CASTOR2: variants seen among roughly 807,000 people sequenced by gnomAD.
CASTOR2 encodes the protein GATS protein like 2.
A neutral mutation model predicts 31.2 loss-of-function variants in CASTOR2; 8 were observed. The ratio of observed to expected loss-of-function variants is 0.26; its 90% confidence interval spans 0.15 to 0.46. The LOEUF (loss-of-function observed/expected upper bound fraction) is 0.46, where lower values mean the gene tolerates loss of function less well. Among genes scored for constraint, CASTOR2 ranks in the 20% least tolerant of loss-of-function variants. The pLI is 0.99. For synonymous variants in CASTOR2, 162 were observed against 158.7 expected, an observed-to-expected ratio of 1.02 and a Z score of -0.16; for missense variants, 216 against 382.1, an observed-to-expected ratio of 0.57 and a Z score of 3.62.
Position 75,009,262 on chromosome 7 carries a change from CTTTTT to C in CASTOR2, c.184+1219_184+1223del, listed in dbSNP as rs1161937896. On this transcript the variant is annotated intron_variant, in intron 2 of 8. Coordinates refer to ENST00000616305, the MANE Select transcript of CASTOR2 (RefSeq NM_001145064.3). ...TGAGCCACCTTGCCTGGCCTGAGAA[CTTTTT>C]TTTTTTTTTTTTTTTTTTTTGAGAC... Among the ~76,000 whole-genome samples the C allele has an allele frequency of 5.2e-3, 316 of 60,302 alleles. 1 individual carries two copies. Among genetic ancestry groups the C allele is most frequent in the Admixed American group, 8.3e-3 (28 of 3,362 alleles). 39.6% of individuals were successfully genotyped at this position (60,302 alleles called of 152,430 possible).
chr7:75,024,465 C>A lies in CASTOR2; in HGVS notation c.855C>A (p.Ile285=). 1.3e-6 allele frequency: 2 copies of A among 1,551,552 alleles called. No homozygotes were observed. Among genetic ancestry groups the A allele is most frequent in the Non-Finnish European group, 1.7e-6 (2 of 1,146,844 alleles). The change falls in exon 8 of 9, where the codon ATC becomes ATA. Residue 285 remains isoleucine (I), a synonymous_variant. Transcript: ENST00000616305. ...GFDECGIVAQ[I]SEPLAAADIP... is the part of the protein sequence containing the mutation. ...ATGAGTGTGGCATCGTGGCCCAGAT[C>A]TCAGAGCCCTTGGCTGCTGCAGACA... is the stretch of plus-strand genomic sequence containing the variant.
At chr7:74,994,764 GAATC>G (rs1338726542) in intron 1 of CASTOR2, among the ~76,000 whole-genome samples, 1 of 150,708 alleles carries the variant, frequency 6.6e-6, no homozygotes, top group Non-Finnish European at 1.5e-5. Flanking sequence ...AAAAAAAAAA[GAATC>G]AACCAAGGTG....
chr7:74,988,051 T>C (rs1402385476), intron 1 of CASTOR2, among the ~76,000 whole-genome samples: 1 of 151,674 alleles, frequency 6.6e-6, no homozygotes, highest in African/African-American at 2.4e-5. Flanking sequence ...GATATTAAAC[T>C]GTTCTCACTC....
chr7:75,018,802 G>A (rs1443066028), intron 4 of CASTOR2, among the ~76,000 whole-genome samples, 170 bp from the exon 5 acceptor site: 3 of 152,252 alleles, frequency 2.0e-5, no homozygotes, highest in Non-Finnish European at 4.4e-5. Flanking sequence ...AGGGTGAGAT[G>A]GAGAATCAGG....
intron 1 of CASTOR2, among the ~76,000 whole-genome samples, chr7:74,985,011 C>G (rs1432960631): frequency 3.3e-5 from 5 of 152,132 alleles, no homozygotes; most frequent in African/African-American, 1.2e-4. Flanking sequence ...ATGGTGCACA[C>G]CTGTAATCCC....
At chr7:74,987,254 AATT>A (rs1178432486) in intron 1 of CASTOR2, among the ~76,000 whole-genome samples, 2 of 151,870 alleles carry the variant, frequency 1.3e-5, no homozygotes, top group African/African-American at 2.4e-5. Context: ...AAAATACAAA[AATT>A]ATCCGGGCCT....
chr7:75,020,005 G>A, intron 5 of CASTOR2, 34 bp from the exon 6 acceptor site: 1 of 1,548,406 alleles, frequency 6.5e-7, no homozygotes, highest in South Asian at 1.2e-5. Flanking sequence ...GGGCCACAGG[G>A]GCCCCATCTT....
rs1804780070 is a variant in CASTOR2 at position 75,012,621 on chromosome 7, T to G, written c.184+4557T>G. ...TGCACCTAGCCCACTGGCTAGTTTT[T>G]GGGATTTTTTGTTTTTTGTTTTTTT... On this transcript the variant is annotated intron_variant, in intron 2 of 8. Coordinates refer to ENST00000616305, the MANE Select transcript of CASTOR2 (RefSeq NM_001145064.3). 3.3e-5 allele frequency among the ~76,000 whole-genome samples: 5 copies of G among 151,438 alleles called. No homozygotes were observed. The South Asian group carries it at 1.0e-3, about 32-fold the overall frequency.
chr7:75,001,487 G>A (rs1804494443), intron 1 of CASTOR2, among the ~76,000 whole-genome samples: 1 of 152,136 alleles, frequency 6.6e-6, no homozygotes, highest in Admixed American at 6.6e-5. Context: ...CACAAACCCC[G>A]GGGGCCCGGC....
intron 1 of CASTOR2, among the ~76,000 whole-genome samples, chr7:74,996,290 G>A (rs1804345068): frequency 2.6e-5 from 4 of 152,156 alleles, no homozygotes. Flanking sequence ...ACACGGTAGG[G>A]TTGGAGTGGT....
At chr7:75,008,256 G>A (rs1804649362) in intron 2 of CASTOR2, among the ~76,000 whole-genome samples, 192 bp downstream of exon 2, 1 of 138,960 alleles carries the variant, frequency 7.2e-6, no homozygotes, top group African/African-American at 2.9e-5. Flanking sequence ...GCTTCTGGAG[G>A]GTCCCCTCCC....
intron 1 of CASTOR2, among the ~76,000 whole-genome samples, chr7:74,974,417 G>A (rs1170147137): frequency 1.3e-5 from 2 of 150,850 alleles, no homozygotes; most frequent in African/African-American, 4.9e-5. Flanking sequence ...GGTAGAGGGT[G>A]AGAGGACCAG....
chr7:74,977,547 A>AT (rs1394360790), intron 1 of CASTOR2, among the ~76,000 whole-genome samples: 3 of 145,530 alleles, frequency 2.1e-5, no homozygotes, highest in East Asian at 2.1e-4. Context: ...CGCCTGGCTA[A>AT]TTTTTTTGTA....
intron 1 of CASTOR2, among the ~76,000 whole-genome samples, chr7:74,981,824 T>C (rs1382923726): frequency 6.9e-6 from 1 of 144,154 alleles, no homozygotes; most frequent in African/African-American, 2.6e-5. Context: ...CCCAGCACTT[T>C]GGGAGGTGGA....
rs1476896746 is a variant in CASTOR2, at chr7:75,026,129, G to T, written c.*1430G>T. ...GGGGTTAGCCGTGGTGTCCCTTCCA[G>T]TGGGGTGGTTTTCTGAATGAGCAGG... On this transcript the variant is annotated 3_prime_UTR_variant, in exon 9 of 9. Coordinates refer to ENST00000616305, the MANE Select transcript of CASTOR2 (RefSeq NM_001145064.3). Among the ~76,000 whole-genome samples the T allele has an allele frequency of 6.6e-6, 1 of 151,704 alleles. No homozygotes were observed. The highest frequency in any genetic ancestry group is 2.4e-5 in the African/African-American group (1 of 41,288).
chr7:75,015,158 T>A (rs1365260367), intron 2 of CASTOR2, among the ~76,000 whole-genome samples: 1 of 152,086 alleles, frequency 6.6e-6, no homozygotes, highest in Non-Finnish European at 1.5e-5. Context: ...TCACTCAATT[T>A]CCCTCCTCTC....
intron 2 of CASTOR2, among the ~76,000 whole-genome samples, chr7:75,010,674 G>A (rs1200077329): frequency 6.6e-6 from 1 of 152,044 alleles, no homozygotes; most frequent in Non-Finnish European, 1.5e-5. Flanking sequence ...AGGGACCACT[G>A]GGAAAGCAGG....
At chr7:74,996,614 G>A (rs1290148547) in intron 1 of CASTOR2, among the ~76,000 whole-genome samples, 2 of 148,866 alleles carry the variant, frequency 1.3e-5, no homozygotes, top group East Asian at 2.0e-4. Flanking sequence ...ATGAGCTTCT[G>A]GTTATGTCAG....
At chr7:75,013,063 C>A (rs1281273742) in intron 2 of CASTOR2, among the ~76,000 whole-genome samples, 15 of 152,300 alleles carry the variant, frequency 9.8e-5, no homozygotes, top group South Asian at 6.2e-4. Flanking sequence ...GTTGGGATTA[C>A]AGGCATGACC....
Sources: allele counts gnomAD v4.1 joint callset (sites outside exome capture counted in the v4.1 genomes callset), GRCh38; gene constraint gnomAD v4.1.1; transcripts MANE v1.5; gene names NCBI Gene and HGNC (gene_info 2026-07-23, HGNC 2026-07-21).